Variants in CHCHD3 observed in about 807,000 individuals in gnomAD.
CHCHD3 encodes coiled-coil-helix-coiled-coil-helix domain containing 3, also known as MICOS complex subunit MIC19.
A neutral mutation model predicts 38.2 loss-of-function variants in CHCHD3; 20 were observed. The ratio of observed to expected loss-of-function variants is 0.52; its 90% confidence interval spans 0.37 to 0.76. The LOEUF (loss-of-function observed/expected upper bound fraction) is 0.76, where lower values mean the gene tolerates loss of function less well. CHCHD3 is among the 30% of genes least tolerant of loss of function. CHCHD3 has a pLI of 0.00. For synonymous variants in CHCHD3, 82 were observed against 100.0 expected (o/e 0.82, Z 1.07); for missense variants, 245 against 279.2 (o/e 0.88, Z 0.87).
intron 4 of CHCHD3, among the ~76,000 whole-genome samples, chr7:132,924,326 A>G (rs1218466676): frequency 6.6e-6 from 1 of 152,196 alleles, no homozygotes; most frequent in African/African-American, 2.4e-5. Flanking sequence ...ATAGTATGAC[A>G]CACATACATA....
At chr7:132,885,988 A>C (rs1375833459) in intron 4 of CHCHD3, among the ~76,000 whole-genome samples, 24 of 152,180 alleles carry the variant, frequency 1.6e-4, no homozygotes, top group Non-Finnish European at 2.4e-4. Context: ...TATATTAGGA[A>C]ACGTCAGAAT....
intron 2 of CHCHD3, among the ~76,000 whole-genome samples, chr7:133,044,075 G>A (rs1813908590): frequency 6.6e-6 from 1 of 152,132 alleles, no homozygotes; most frequent in Non-Finnish European, 1.5e-5. Flanking sequence ...AACACTGCAT[G>A]ACTATGAATA....
intron 2 of CHCHD3, among the ~76,000 whole-genome samples, chr7:133,031,214 T>C (rs1376501768): frequency 6.6e-6 from 1 of 152,170 alleles, no homozygotes; most frequent in Non-Finnish European, 1.5e-5. Flanking sequence ...CTGTCTTCTA[T>C]GTGACAGGTG....
intron 4 of CHCHD3, among the ~76,000 whole-genome samples, chr7:132,903,173 T>C (rs1809712121): frequency 6.6e-6 from 1 of 152,210 alleles, no homozygotes; most frequent in African/African-American, 2.4e-5. Context: ...AAGTCCCTGA[T>C]ATAAAATGGC....
At chr7:133,028,868 G>C (rs1385543964) in intron 2 of CHCHD3, among the ~76,000 whole-genome samples, 1 of 148,282 alleles carries the variant, frequency 6.7e-6, no homozygotes, top group Non-Finnish European at 1.5e-5. Flanking sequence ...CTGGGCGACA[G>C]AGTAAGACTC....
At chr7:133,009,363 C>CAAAAAA (rs71178076) in intron 3 of CHCHD3, among the ~76,000 whole-genome samples, 1 of 67,402 alleles carries the variant, frequency 1.5e-5, no homozygotes, top group Non-Finnish European at 2.7e-5. Context: ...GACTCTGTCT[C>CAAAAAA]AAAAAAAAAA....
chr7:133,063,059 TC>T (rs1461348240), intron 2 of CHCHD3, among the ~76,000 whole-genome samples: 1 of 152,224 alleles, frequency 6.6e-6, no homozygotes, highest in Non-Finnish European at 1.5e-5. Flanking sequence ...TTTGTGTGAC[TC>T]CCTTTTGACC....
chr7:132,816,470 G>C (rs1807202404), intron 6 of CHCHD3, among the ~76,000 whole-genome samples: 1 of 152,156 alleles, frequency 6.6e-6, no homozygotes, highest in Non-Finnish European at 1.5e-5. Flanking sequence ...AGCATTTTAG[G>C]AGTACCTTCC....
intron 5 of CHCHD3, among the ~76,000 whole-genome samples, chr7:132,864,333 C>G (rs892749085): frequency 3.3e-5 from 5 of 152,090 alleles, no homozygotes; most frequent in Non-Finnish European, 1.5e-5. Context: ...GTGGAGGAGT[C>G]AGAACACACA....
rs367843601 is a variant in CHCHD3, at chr7:132,918,977, T to C, written c.370-33232A>G. 1.4e-4 allele frequency among the ~76,000 whole-genome samples: 22 copies of C among 152,180 alleles called. No homozygotes were observed. In the East Asian group the frequency reaches 2.7e-3, roughly 19 times the overall value. On this transcript the variant is annotated intron_variant, in intron 4 of 7. Transcript: ENST00000262570. ...CATGGACACTGCAAAGCAAGTCTTATGAGGGAATGGGAAGCTGTTTTCTCC... is the reference window on the plus strand; with the variant it reads ...CATGGACACTGCAAAGCAAGTCTTACGAGGGAATGGGAAGCTGTTTTCTCC...
chr7:132,796,332 G>T, intron 7 of CHCHD3, 110 bp downstream of exon 7: 1 of 1,204,846 alleles, frequency 8.3e-7, no homozygotes, highest in Non-Finnish European at 1.2e-6. Context: ...GATGACTAGG[G>T]CTTAGAAAGC....
chr7:132,850,053 C>A (rs1296426150), intron 5 of CHCHD3, among the ~76,000 whole-genome samples: 2 of 152,180 alleles, frequency 1.3e-5, no homozygotes, highest in Admixed American at 6.5e-5. Context: ...TTTTTGTACA[C>A]CTCATGAATA....
intron 4 of CHCHD3, among the ~76,000 whole-genome samples, chr7:132,969,520 T>A (rs1811558662): frequency 6.6e-6 from 1 of 152,210 alleles, no homozygotes; most frequent in African/African-American, 2.4e-5. Context: ...AGGACGTTTT[T>A]TACATTGATT....
At position 132,785,522 on chromosome 7, in the gene CHCHD3, T is replaced by C; in HGVS notation, c.*115A>G. The C allele has an allele frequency of 1.0e-6, 1 of 995,852 alleles. No homozygotes were observed. Among genetic ancestry groups the C allele is most frequent in the South Asian group, 1.4e-5 (1 of 73,218 alleles). 61.7% of individuals were successfully genotyped at this position (995,852 alleles called of 1,614,324 possible). On this transcript the variant is annotated 3_prime_UTR_variant, in exon 8 of 8. Transcript: ENST00000262570. ...CTGAATCCATTCTTGATGTCTCTCT[T>C]TAGTGGTCTTCTCATTAGTGGTCTT...
In CHCHD3 at chr7:132,789,884, C is replaced by T. The variant is rs137904107; in HGVS notation, c.661-4224G>A. On this transcript the variant is annotated intron_variant, in intron 7 of 7. Coordinates refer to ENST00000262570, the MANE Select transcript of CHCHD3 (RefSeq NM_017812.4). The stretch of plus-strand genomic sequence containing the variant: ...CTGGCACAGACCTGGTCTTAAGACA[C>T]GAGTTTTACTAAGGAGGGTCAGGAA... 9.8e-4 allele frequency among the ~76,000 whole-genome samples: 149 copies of T among 151,920 alleles called. 1 individual carries two copies. Among genetic ancestry groups the T allele is most frequent in the African/African-American group, 3.4e-3 (139 of 41,412 alleles).
At chr7:132,991,789 T>G (rs1366101554) in intron 3 of CHCHD3, among the ~76,000 whole-genome samples, 1 of 152,204 alleles carries the variant, frequency 6.6e-6, no homozygotes, top group Admixed American at 6.5e-5. Context: ...TCGAGAATCT[T>G]TATTAGCACT....
intron 3 of CHCHD3, among the ~76,000 whole-genome samples, chr7:133,006,100 T>C (rs910861468): frequency 9.9e-5 from 15 of 152,146 alleles, no homozygotes; most frequent in African/African-American, 3.6e-4. Context: ...TGGCAAGAAT[T>C]AAAGTATCTA....
At chr7:132,833,221 G>T (rs1035595634) in intron 6 of CHCHD3, among the ~76,000 whole-genome samples, 1 of 152,318 alleles carries the variant, frequency 6.6e-6, no homozygotes. Context: ...ACCCTAAGTT[G>T]TTATAAAATG....
At chr7:132,868,027 A>G (rs1302540383) in intron 5 of CHCHD3, among the ~76,000 whole-genome samples, 1 of 152,206 alleles carries the variant, frequency 6.6e-6, no homozygotes, top group African/African-American at 2.4e-5. Context: ...AAAGACGTTC[A>G]CCCACAATTG....
Sources: allele counts gnomAD v4.1 joint callset (sites outside exome capture counted in the v4.1 genomes callset), GRCh38; gene constraint gnomAD v4.1.1; transcripts MANE v1.5; gene names NCBI Gene and HGNC (gene_info 2026-07-23, HGNC 2026-07-21).